LHFPL6: variants seen among roughly 807,000 people sequenced by gnomAD.
LHFPL6 encodes LHFPL tetraspan subfamily member 6.
Under a neutral mutation model 20.6 loss-of-function variants are expected in LHFPL6, and 9 were observed. That is an observed-to-expected ratio of 0.44 (90% CI 0.26 to 0.76). The LOEUF (loss-of-function observed/expected upper bound fraction) is 0.76, where lower values mean the gene tolerates loss of function less well. Among genes scored for constraint, LHFPL6 ranks in the 30% least tolerant of loss-of-function variants. LHFPL6 has a pLI of 0.20. For missense variants in LHFPL6, 218 were observed against 253.5 expected, an observed-to-expected ratio of 0.86 and a Z score of 0.95; for synonymous variants, 105 against 98.7, an observed-to-expected ratio of 1.06 and a Z score of -0.38.
chr13:39,578,794 A>G (rs1442845018), intron 2 of LHFPL6, among the ~76,000 whole-genome samples: 2 of 152,158 alleles, frequency 1.3e-5, no homozygotes, highest in Admixed American at 6.5e-5. Flanking sequence ...CACCAAAAAC[A>G]TTGCTCATAA....
At chr13:39,560,807 G>A (rs529637007) in intron 2 of LHFPL6, among the ~76,000 whole-genome samples, 61 of 152,188 alleles carry the variant, frequency 4.0e-4, no homozygotes, top group African/African-American at 1.3e-3. Context: ...GAGCCACCGC[G>A]CCCTGCTGGG....
intron 2 of LHFPL6, among the ~76,000 whole-genome samples, chr13:39,509,179 A>C (rs1227818622): frequency 4.6e-5 from 7 of 152,196 alleles, no homozygotes; most frequent in African/African-American, 1.7e-4. Flanking sequence ...TTTGCCATCC[A>C]TATATTTGTC....
At chr13:39,569,564 A>T (rs1428278045) in intron 2 of LHFPL6, among the ~76,000 whole-genome samples, 1 of 152,258 alleles carries the variant, frequency 6.6e-6, no homozygotes, top group African/African-American at 2.4e-5. Flanking sequence ...GCAATACTAT[A>T]TCACCAAGAA....
chr13:39,377,688 A>C (rs1315726137), intron 3 of LHFPL6, among the ~76,000 whole-genome samples: 2 of 152,246 alleles, frequency 1.3e-5, no homozygotes, highest in African/African-American at 4.8e-5. Flanking sequence ...AGATCGCAAC[A>C]TAAGTAAGTA....
intron 2 of LHFPL6, among the ~76,000 whole-genome samples, chr13:39,396,460 A>G (rs901740404): frequency 1.3e-5 from 2 of 152,116 alleles, no homozygotes; most frequent in African/African-American, 4.8e-5. Flanking sequence ...ATCATACTGG[A>G]GTAGGGTAGG....
chr13:39,388,769 G>A (rs1870631194), intron 2 of LHFPL6, among the ~76,000 whole-genome samples: 1 of 152,194 alleles, frequency 6.6e-6, no homozygotes, highest in Admixed American at 6.5e-5. Flanking sequence ...TGTGTTTGAA[G>A]TCTCACAGGC....
intron 2 of LHFPL6, among the ~76,000 whole-genome samples, chr13:39,559,162 G>A (rs1009741527): frequency 2.6e-5 from 4 of 152,192 alleles, no homozygotes; most frequent in African/African-American, 7.2e-5. Context: ...GAAGATACCA[G>A]TTTTGAGGCC....
intron 2 of LHFPL6, among the ~76,000 whole-genome samples, chr13:39,410,586 T>C (rs1390626617): frequency 6.6e-6 from 1 of 151,986 alleles, no homozygotes; most frequent in Non-Finnish European, 1.5e-5. Flanking sequence ...CAAAAGACAG[T>C]CACGAAAAAC....
chr13:39,430,641 C>T (rs1415476543), intron 2 of LHFPL6, among the ~76,000 whole-genome samples: 4 of 152,172 alleles, frequency 2.6e-5, no homozygotes, highest in East Asian at 1.9e-4. Flanking sequence ...GTTTTGCAAA[C>T]GCACCAATCA....
intron 3 of LHFPL6, among the ~76,000 whole-genome samples, chr13:39,352,832 T>TGTGTATATATATATAA (rs1869604033): frequency 7.6e-6 from 1 of 131,714 alleles, no homozygotes; most frequent in African/African-American, 2.9e-5. Context: ...TATATATATA[T>TGTGTATATATATATAA]ATGTGTATAT....
chr13:39,453,509 GA>G (rs1425510596), intron 2 of LHFPL6, among the ~76,000 whole-genome samples: 1 of 152,134 alleles, frequency 6.6e-6, no homozygotes, highest in African/African-American at 2.4e-5. Flanking sequence ...ATAATGTTGA[GA>G]TTTGTAAAAA....
chr13:39,541,809 G>C (rs1870808192), intron 2 of LHFPL6, among the ~76,000 whole-genome samples: 1 of 150,968 alleles, frequency 6.6e-6, no homozygotes, highest in Admixed American at 6.6e-5. Flanking sequence ...GGACAGGTTG[G>C]CTGGGTGCAG....
chr13:39,542,482 T>C (rs4304917), intron 2 of LHFPL6, among the ~76,000 whole-genome samples: 145,838 of 152,322 alleles, frequency 0.96, 69,831 homozygotes, highest in African/African-American at 0.96. Flanking sequence ...ACACACACCA[T>C]AGAATGTCTT....
chr13:39,410,406 G>T (rs1346169188), intron 2 of LHFPL6, among the ~76,000 whole-genome samples: 1 of 152,224 alleles, frequency 6.6e-6, no homozygotes, highest in Admixed American at 6.5e-5. Flanking sequence ...CCAAGCACAA[G>T]TAGGGTGGTC....
chr13:39,405,318 G>A (rs897872518), intron 2 of LHFPL6, among the ~76,000 whole-genome samples: 4 of 152,176 alleles, frequency 2.6e-5, no homozygotes, highest in Admixed American at 2.6e-4. Flanking sequence ...TAAGTCAGCA[G>A]CCTTTTGTTT....
chr13:39,474,036 T>C (rs1873015890), intron 2 of LHFPL6, among the ~76,000 whole-genome samples: 1 of 152,228 alleles, frequency 6.6e-6, no homozygotes, highest in Non-Finnish European at 1.5e-5. Flanking sequence ...TTCAATACAG[T>C]CATTGATTCG....
At chr13:39,542,143 G>A (rs1870827835) in intron 2 of LHFPL6, among the ~76,000 whole-genome samples, 1 of 129,464 alleles carries the variant, frequency 7.7e-6, no homozygotes, top group Non-Finnish European at 1.7e-5. Context: ...AAATAAAAAT[G>A]CATGGGACAG....
At chr13:39,595,080 C>T (rs925141642) in intron 2 of LHFPL6, among the ~76,000 whole-genome samples, 1 of 152,056 alleles carries the variant, frequency 6.6e-6, no homozygotes, top group Admixed American at 6.5e-5. Context: ...AACAAACCTG[C>T]ACGTTGTGCA....
In LHFPL6 at chr13:39,508,991, A is replaced by G. The variant is rs7321284; in HGVS notation, c.385+91841T>C. ...TGTATGAAACTCCCAGTTGATCCAC[A>G]TTCTCATTTATGCTTCGTATGGTTA... On this transcript the variant is annotated intron_variant, in intron 2 of 3. Coordinates refer to ENST00000379589, the MANE Select transcript of LHFPL6 (RefSeq NM_005780.3). Among the ~76,000 whole-genome samples, 697 of 152,256 alleles carry G rather than the reference A, an allele frequency of 4.6e-3. 4 individuals carry two copies. The highest frequency in any genetic ancestry group is 0.016 in the African/African-American group (660 of 41,554).
Sources: gnomAD v4.1 joint callset for allele counts (sites outside exome capture counted in the v4.1 genomes callset) on GRCh38, gnomAD v4.1.1 for gene constraint, MANE v1.5 for transcripts, NCBI Gene and HGNC (gene_info 2026-07-23, HGNC 2026-07-21) for gene names.